Variants in POLR1D observed in about 807,000 individuals in gnomAD.
The protein encoded by POLR1D is RNA polymerase I and III subunit D, also known as DNA-directed RNA polymerases I and III subunit RPAC2.
Under a neutral mutation model 10.8 loss-of-function variants are expected in POLR1D, and 8 were observed. The ratio of observed to expected loss-of-function variants is 0.74; its 90% confidence interval spans 0.43 to 1.33. The LOEUF (loss-of-function observed/expected upper bound fraction) is 1.33. Ranked by LOEUF, POLR1D falls within the 40% of genes most tolerant of loss-of-function variation. POLR1D has a pLI of 0.01. For missense variants in POLR1D, 152 were observed against 161.7 expected (o/e 0.94, Z 0.32); for synonymous variants, 54 against 57.2 (o/e 0.94, Z 0.25).
intron 1 of POLR1D, among the ~76,000 whole-genome samples, chr13:27,633,628 C>T (rs1163931069): frequency 6.6e-6 from 1 of 152,160 alleles, no homozygotes; most frequent in African/African-American, 2.4e-5. Context: ...ATGTTTGCTC[C>T]ACAATAAATT....
At chr13:27,666,002 G>A in exon 3 of POLR1D, 3 of 1,577,028 alleles carry the variant, frequency 1.9e-6, no homozygotes, top group Non-Finnish European at 2.6e-6. Flanking sequence ...GCTCCTTCGG[G>A]GTGCGGTGTG....
chr13:27,621,848 C>T (rs1955928946), upstream of POLR1D: 3 of 889,790 alleles, frequency 3.4e-6, no homozygotes, highest in Admixed American at 2.1e-5. Flanking sequence ...GCCGCTGCGG[C>T]TCCTCCTCCC....
At chr13:27,627,131 T>G (rs1026047458), downstream of POLR1D, among the ~76,000 whole-genome samples, 4 of 152,190 alleles carry the variant, frequency 2.6e-5, no homozygotes, top group African/African-American at 9.7e-5. Flanking sequence ...TTTAAACTGG[T>G]CTCTTAGGAA....
downstream of POLR1D, among the ~76,000 whole-genome samples, chr13:27,624,561 A>G (rs1260229944): frequency 6.6e-6 from 1 of 152,152 alleles, no homozygotes; most frequent in Non-Finnish European, 1.5e-5. Flanking sequence ...TGGATGAGAC[A>G]GAGTAAGTCC....
At chr13:27,635,345 C>T (rs868361830) in intron 1 of POLR1D, among the ~76,000 whole-genome samples, 3 of 152,036 alleles carry the variant, frequency 2.0e-5, no homozygotes, top group East Asian at 3.8e-4. Flanking sequence ...CTTTTATTCA[C>T]GGATTGAATG....
intron 2 of POLR1D, among the ~76,000 whole-genome samples, chr13:27,651,940 A>T (rs1191917891): frequency 1.3e-5 from 2 of 152,242 alleles, no homozygotes; most frequent in Non-Finnish European, 2.9e-5. Context: ...AGTAAATATT[A>T]GTTAAATCTG....
chr13:27,621,782 G>A (rs912671088), upstream of POLR1D: 4 of 417,384 alleles, frequency 9.6e-6, no homozygotes, highest in Non-Finnish European at 1.7e-5. Context: ...ACCCCGCGTC[G>A]GGGCGGGGGC....
chr13:27,637,124 G>A (rs113285399), intron 1 of POLR1D, among the ~76,000 whole-genome samples: 1 of 152,204 alleles, frequency 6.6e-6, no homozygotes, highest in African/African-American at 2.4e-5. Context: ...CAGAATCATC[G>A]ATTGTATTAC....
chr13:27,622,893 G>A lies in POLR1D; in HGVS notation c.45G>A (p.Lys15=), dbSNP rs1206684244. Residue 15 remains lysine (K), a synonymous_variant, in exon 2 of 2, where the codon AAG becomes AAA. Coordinates refer to ENST00000302979, the MANE Select transcript of POLR1D (RefSeq NM_015972.4). ...TGTGTAGAAAAATATCTGGATTGAA[G>A]ACCTCAATGGCTGAAGGCGAGAGGA... ...QELERKISGL[K]TSMAEGERKT... 3 of 1,606,776 alleles carry A rather than the reference G, an allele frequency of 1.9e-6. No homozygotes were observed. The highest frequency in any genetic ancestry group is 1.7e-5 in the Admixed American group (1 of 59,978).
intron 1 of POLR1D, among the ~76,000 whole-genome samples, chr13:27,640,790 A>T (rs1956165915): frequency 1.3e-5 from 2 of 152,160 alleles, no homozygotes; most frequent in Admixed American, 1.3e-4. Flanking sequence ...ACCTTCCCTC[A>T]GTATCCCTGG....
intron 2 of POLR1D, chr13:27,649,969 C>G (rs757280472): frequency 6.0e-5 from 24 of 397,974 alleles, no homozygotes; most frequent in Non-Finnish European, 1.0e-4. Flanking sequence ...CCCCAAACTA[C>G]CACGCTTAGC....
At chr13:27,650,805 A>G (rs1956262204) in intron 2 of POLR1D, 2 of 152,218 alleles carry the variant, frequency 1.3e-5, no homozygotes. Flanking sequence ...AAATATGTTA[A>G]AATCTGTAAG....
At chr13:27,666,579 T>G (rs1282352666) in exon 3 of POLR1D, 2 of 152,232 alleles carry the variant, frequency 1.3e-5, no homozygotes, top group Non-Finnish European at 2.9e-5. Flanking sequence ...ACTCATTTAT[T>G]AGATAGAACA....
intron 1 of POLR1D, among the ~76,000 whole-genome samples, chr13:27,633,528 A>G (rs1243282520): frequency 6.6e-6 from 1 of 152,230 alleles, no homozygotes; most frequent in African/African-American, 2.4e-5. Context: ...CAGAAATCCT[A>G]GTCTTTATTT....
At chr13:27,626,803 T>C (rs12855186), downstream of POLR1D, among the ~76,000 whole-genome samples, 20,280 of 152,204 alleles carry the variant, frequency 0.13, 1,454 homozygotes, top group Middle Eastern at 0.19. Context: ...ATTTTCAAAG[T>C]ACTTTACAAG....
intron 1 of POLR1D, among the ~76,000 whole-genome samples, chr13:27,639,028 T>G (rs1187432102): frequency 6.6e-6 from 1 of 152,194 alleles, no homozygotes; most frequent in Non-Finnish European, 1.5e-5. Flanking sequence ...ATTTTATTTT[T>G]TATTTCTGCT....
chr13:27,651,628 T>G (rs967560825), intron 2 of POLR1D: 2 of 152,180 alleles, frequency 1.3e-5, no homozygotes, highest in Non-Finnish European at 2.9e-5. Context: ...TATATTATTT[T>G]AAAGTGAATA....
chr13:27,632,403 C>T (rs1243600866), intron 1 of POLR1D, among the ~76,000 whole-genome samples: 1 of 152,216 alleles, frequency 6.6e-6, no homozygotes, highest in Non-Finnish European at 1.5e-5. Flanking sequence ...TCTCGTAAAT[C>T]TATGCCATTT....
rs528297415 is a variant in POLR1D, at chr13:27,659,925, T to TATATATATATATATATATATAC, written c.102-5760_102-5759insTATATATATATATATATATACA. Among the ~76,000 whole-genome samples the TATATATATATATATATATATAC allele has an allele frequency of 1.9e-3, 279 of 149,392 alleles. 2 individuals carry two copies. Among genetic ancestry groups the TATATATATATATATATATATAC allele is most frequent in the African/African-American group, 6.1e-3 (241 of 39,796 alleles). Reference sequence around the variant, plus strand: ...TCAGGTGTATATATATATATATATATACACACACATACACACACACACATA... The same window carrying TATATATATATATATATATATAC: ...TCAGGTGTATATATATATATATATATATATATATATATATATATATACACACACACATACACACACACACATA... On this transcript the variant is annotated intron_variant, in intron 2 of 2. Transcript: ENST00000399697.
Sources: gnomAD v4.1 joint callset for allele counts (sites outside exome capture counted in the v4.1 genomes callset) on GRCh38, gnomAD v4.1.1 for gene constraint, MANE v1.5 for transcripts, NCBI Gene and HGNC (gene_info 2026-07-23, HGNC 2026-07-21) for gene names.